NPHP4: variants seen among roughly 807,000 people sequenced by gnomAD.
The protein encoded by NPHP4 is nephrocystin 4.
Under a neutral mutation model 155.8 loss-of-function variants are expected in NPHP4, and 151 were observed. The ratio of observed to expected loss-of-function variants is 0.97; its 90% CI spans 0.85 to 1.11. NPHP4 has a LOEUF of 1.11. NPHP4 is among the 50% of genes least tolerant of loss of function. The pLI is 0.00. For missense variants in NPHP4, 1,956 were observed against 1,925.7 expected (o/e 1.02, Z -0.29); for synonymous variants, 845 against 816.8 (o/e 1.03, Z -0.59).
chr1:5,978,405 C>T lies in NPHP4; in HGVS notation c.144G>A (p.Leu48=). Reference sequence around the variant, plus strand: ...GGCATTCAACCTCTGACAGTACCTCCAGCACGCCCTAGGAGACAACGGGGA... The same window carrying T: ...GGCATTCAACCTCTGACAGTACCTCTAGCACGCCCTAGGAGACAACGGGGA... ...LDGPVIRQGV[L]EVLSEVECHL... The change falls in exon 3 of 30, where the codon CTG becomes CTA. Residue 48 remains leucine, a synonymous_variant. Coordinates refer to ENST00000378156, the MANE Select transcript of NPHP4 (RefSeq NM_015102.5). The T allele has an allele frequency of 6.2e-7, 1 of 1,603,298 alleles. No individual in the cohort carries two copies.
intron 12 of NPHP4, 26 bp downstream of exon 12, chr1:5,909,126 G>T: frequency 6.4e-7 from 1 of 1,560,292 alleles, no homozygotes; most frequent in Non-Finnish European, 8.7e-7. Context: ...GAATTCTGAA[G>T]GAGGCCGTGG....
At chr1:5,920,574 G>A (rs1177705540) in intron 11 of NPHP4, among the ~76,000 whole-genome samples, 1 of 152,060 alleles carries the variant, frequency 6.6e-6, no homozygotes, top group Non-Finnish European at 1.5e-5. Context: ...ACAATCGCTG[G>A]GCATCTGCTC....
chr1:5,925,205 G>C (rs1480258140), intron 11 of NPHP4, among the ~76,000 whole-genome samples: 1 of 152,164 alleles, frequency 6.6e-6, no homozygotes, highest in Non-Finnish European at 1.5e-5. Flanking sequence ...AAAATGGATG[G>C]TTGTATCTGC....
intron 11 of NPHP4, among the ~76,000 whole-genome samples, chr1:5,925,289 C>T (rs1044175628): frequency 4.6e-5 from 7 of 152,094 alleles, no homozygotes; most frequent in African/African-American, 1.7e-4. Flanking sequence ...AGCATTTGCA[C>T]TGTATTAGGT....
intron 6 of NPHP4, among the ~76,000 whole-genome samples, chr1:5,955,029 G>GA (rs1004499015): frequency 2.1e-3 from 282 of 131,694 alleles, no homozygotes; most frequent in Middle Eastern, 4.0e-3. Context: ...CAACTCAACA[G>GA]AAAAAAAAAA....
chr1:5,936,385 A>C (rs1646539855), intron 9 of NPHP4, among the ~76,000 whole-genome samples: 1 of 152,198 alleles, frequency 6.6e-6, no homozygotes, highest in Non-Finnish European at 1.5e-5. Flanking sequence ...CTCTGCAGAG[A>C]AGGCCAAGCA....
At chr1:5,971,552 A>C (rs1280864271) in intron 3 of NPHP4, among the ~76,000 whole-genome samples, 1 of 152,234 alleles carries the variant, frequency 6.6e-6, no homozygotes, top group Non-Finnish European at 1.5e-5. Context: ...CATAAACGAC[A>C]GATGAGGCAG....
rs372493501 is a variant in NPHP4, at chr1:5,952,714, C to T, written c.796G>A (p.Asp266Asn). ...TGACTCCACACCTCCTGGAAGTGGTCCTGGACGTGGAGCTCCAGCAGCTCT... is the reference window on the plus strand; with the variant it reads ...TGACTCCACACCTCCTGGAAGTGGTTCTGGACGTGGAGCTCCAGCAGCTCT... Reference protein sequence around the residue: ...EEELLELHVQDHFQEGCGPLD... With the variant: ...EEELLELHVQNHFQEGCGPLD... The change falls in exon 7 of 30, where the codon GAC (aspartate) becomes AAC (asparagine). Residue 266 changes from aspartate (D) to asparagine (N), a missense_variant. Physicochemically the swap from Asp to Asn is conservative, Grantham distance 23. Transcript: ENST00000378156. 5.8e-6 allele frequency: 9 copies of T among 1,545,300 alleles called. No homozygotes were observed. Among genetic ancestry groups the T allele is most frequent in the Non-Finnish European group, 7.0e-6 (8 of 1,144,020 alleles).
chr1:5,865,179 G>C lies in NPHP4; in HGVS notation c.3739C>G (p.Arg1247Gly). The C allele has an allele frequency of 1.2e-6, 2 of 1,612,948 alleles. No homozygotes were observed. Residue 1247 changes from arginine (R) to glycine (G), a missense_variant, in exon 27 of 30, where the codon CGC becomes GGC. By Grantham distance (125) the Arg-to-Gly change is moderately radical. Coordinates refer to ENST00000378156, the MANE Select transcript of NPHP4 (RefSeq NM_015102.5). ...DVSCVAGQLTRLSLVLRGTQT... is the reference protein window; with the variant it reads ...DVSCVAGQLTGLSLVLRGTQT... ...GTCCCCCGAAGGACAAGGGACAGGC[G>C]GGTCAGCTGGCCTGCGACGCAGGAG...
At chr1:5,885,711 C>G (rs977081530) in intron 18 of NPHP4, among the ~76,000 whole-genome samples, 5 of 152,230 alleles carry the variant, frequency 3.3e-5, no homozygotes, top group Non-Finnish European at 5.9e-5. Flanking sequence ...CAGGTTCTGT[C>G]CCGTGCGGTA....
chr1:5,981,450 T>C (rs1654681100), intron 2 of NPHP4, among the ~76,000 whole-genome samples: 1 of 151,964 alleles, frequency 6.6e-6, no homozygotes, highest in Non-Finnish European at 1.5e-5. Flanking sequence ...AATAAAGAAA[T>C]ATAAGCAATG....
intron 5 of NPHP4, among the ~76,000 whole-genome samples, chr1:5,966,201 G>C (rs552813247): frequency 2.6e-5 from 4 of 152,132 alleles, no homozygotes; most frequent in African/African-American, 9.7e-5. Context: ...CCTATCACGA[G>C]ATTGTCACCA....
chr1:5,878,088 C>A (rs1463005219), intron 19 of NPHP4, among the ~76,000 whole-genome samples: 1 of 152,140 alleles, frequency 6.6e-6, no homozygotes, highest in South Asian at 2.1e-4. Context: ...AGCTGAGAGG[C>A]GCCCCAGCTT....
Position 5,952,856 on chromosome 1 carries a change from A to G in NPHP4, c.674-20T>C. 1 of 1,588,092 alleles carries G rather than the reference A, an allele frequency of 6.3e-7. No homozygotes were observed. On this transcript the variant is annotated intron_variant, in intron 6 of 29. Transcript: ENST00000378156. ...CGTCGCCTGAAACAGTGAGGGTGCG[A>G]AAAGGGTCATCCTTGGGAATAAAAC...
intron 23 of NPHP4, among the ~76,000 whole-genome samples, chr1:5,868,824 A>G (rs1440398281): frequency 3.0e-5 from 4 of 134,586 alleles, no homozygotes; most frequent in Non-Finnish European, 6.3e-5. Flanking sequence ...CCACCCACAC[A>G]TGCACACACG....
rs75470043 is a variant in NPHP4, at chr1:5,979,893, G to A, written c.136-1480C>T. ...CGAGATAAGACTGTCCCCCAGAGCCGGTTAATTCCTAGGGTGGCAAATGGC... is the reference window on the plus strand; with the variant it reads ...CGAGATAAGACTGTCCCCCAGAGCCAGTTAATTCCTAGGGTGGCAAATGGC... On this transcript the variant is annotated intron_variant, in intron 2 of 29. Transcript: ENST00000378156. 8.8e-4 allele frequency among the ~76,000 whole-genome samples: 134 copies of A among 152,230 alleles called. 1 individual carries two copies. The East Asian group carries it at 0.021, about 24-fold the overall frequency.
chr1:5,907,843 G>T (rs1644986899), intron 12 of NPHP4, among the ~76,000 whole-genome samples: 1 of 152,246 alleles, frequency 6.6e-6, no homozygotes, highest in Admixed American at 6.5e-5. Context: ...AGAATTAAAT[G>T]ACAATCCTGG....
rs899763221 is a variant in NPHP4 at position 5,892,296 on chromosome 1, T to C, written c.2144-1268A>G. On this transcript the variant is annotated intron_variant, in intron 16 of 29. Transcript: ENST00000378156. The surrounding 1 kb of genome is among the most constrained non-coding windows in gnomAD (Gnocchi z 4.5). Reference sequence around the variant, plus strand: ...GGGCTTGTCGGACAGTGGGTGAGAGTTGGGAGGCTGGTCAGAGGAGCCTAG... The same window carrying C: ...GGGCTTGTCGGACAGTGGGTGAGAGCTGGGAGGCTGGTCAGAGGAGCCTAG... Among the ~76,000 whole-genome samples the C allele has an allele frequency of 6.6e-6, 1 of 151,642 alleles. No individual in the cohort carries two copies. The highest frequency in any genetic ancestry group is 1.5e-5 in the Non-Finnish European group (1 of 67,876).
At chr1:5,878,173 C>T (rs1048373554) in intron 19 of NPHP4, among the ~76,000 whole-genome samples, 2 of 152,228 alleles carry the variant, frequency 1.3e-5, no homozygotes, top group Non-Finnish European at 2.9e-5. Flanking sequence ...AATGCCAGCC[C>T]GAGCTCTCCC....
Sources: allele counts gnomAD v4.1 joint callset (sites outside exome capture counted in the v4.1 genomes callset), GRCh38; gene constraint gnomAD v4.1.1; non-coding constraint Gnocchi (gnomAD v3.1); transcripts MANE v1.5; gene names NCBI Gene and HGNC (gene_info 2026-07-23, HGNC 2026-07-21).